Variants in RSRC1 observed in about 807,000 individuals in gnomAD.
RSRC1 encodes the protein arginine and serine rich coiled-coil 1.
RSRC1 carries 39 observed loss-of-function variants against 49.1 expected under a neutral mutation model. That is an observed-to-expected ratio of 0.79 (90% CI 0.61 to 1.04). The LOEUF (loss-of-function observed/expected upper bound fraction) is 1.04, where lower values mean the gene tolerates loss of function less well. Ranked by LOEUF, RSRC1 falls within the 50% of genes least tolerant of loss-of-function variation. The pLI, the probability that RSRC1 is intolerant of heterozygous loss-of-function variation, is 0.00. For missense variants in RSRC1, 388 were observed against 402.4 expected (o/e 0.96, Z 0.31); for synonymous variants, 143 against 130.8 (o/e 1.09, Z -0.63).
At chr3:158,136,476 T>A (rs1716384629) in intron 3 of RSRC1, among the ~76,000 whole-genome samples, 1 of 152,176 alleles carries the variant, frequency 6.6e-6, no homozygotes, top group South Asian at 2.1e-4. Flanking sequence ...CTTATTCTGT[T>A]GTATATTTGT....
intron 7 of RSRC1, among the ~76,000 whole-genome samples, chr3:158,504,359 A>G (rs550196020): frequency 1.3e-5 from 2 of 152,200 alleles, no homozygotes; most frequent in East Asian, 1.9e-4. Flanking sequence ...CTGTCTGTCC[A>G]TCCAGGTCGG....
chr3:158,133,273 T>G (rs1716153111), intron 3 of RSRC1, among the ~76,000 whole-genome samples: 1 of 152,192 alleles, frequency 6.6e-6, no homozygotes, highest in African/African-American at 2.4e-5. Flanking sequence ...TTTATTTTAT[T>G]CTTTTATTAA....
At chr3:158,431,824 A>G (rs996899346) in intron 6 of RSRC1, among the ~76,000 whole-genome samples, 5 of 151,980 alleles carry the variant, frequency 3.3e-5, no homozygotes, top group Admixed American at 3.3e-4. Context: ...TAACTTAAGT[A>G]AATTGTTTTG....
At chr3:158,176,022 G>A (rs1215171830) in intron 3 of RSRC1, among the ~76,000 whole-genome samples, 1 of 152,106 alleles carries the variant, frequency 6.6e-6, no homozygotes, top group Admixed American at 6.6e-5. Flanking sequence ...CAAACAGAGA[G>A]CCAAATCATG....
At chr3:158,284,173 G>A (rs1726361759) in intron 4 of RSRC1, among the ~76,000 whole-genome samples, 1 of 151,438 alleles carries the variant, frequency 6.6e-6, no homozygotes, top group African/African-American at 2.4e-5. Context: ...ATAGTTTACT[G>A]AGAATGATGA....
At chr3:158,308,371 A>G (rs905852260) in intron 5 of RSRC1, among the ~76,000 whole-genome samples, 2 of 151,966 alleles carry the variant, frequency 1.3e-5, no homozygotes, top group Admixed American at 1.3e-4. Flanking sequence ...ACAGATTTTC[A>G]TGCTTATTAC....
At chr3:158,259,353 T>C (rs1724758737) in intron 4 of RSRC1, among the ~76,000 whole-genome samples, 1 of 152,144 alleles carries the variant, frequency 6.6e-6, no homozygotes, top group South Asian at 2.1e-4. Flanking sequence ...ACTTTGGTGG[T>C]CTTTGGTAAG....
intron 6 of RSRC1, among the ~76,000 whole-genome samples, chr3:158,368,962 A>G (rs1267745732): frequency 6.6e-6 from 1 of 152,258 alleles, no homozygotes; most frequent in Non-Finnish European, 1.5e-5. Flanking sequence ...TAATGTAATG[A>G]AATGAAAAAT....
intron 3 of RSRC1, among the ~76,000 whole-genome samples, chr3:158,140,893 A>T (rs1419875354): frequency 6.6e-6 from 1 of 152,196 alleles, no homozygotes; most frequent in East Asian, 1.9e-4. Context: ...TTCCTGCTAG[A>T]GAGGATTTAA....
intron 4 of RSRC1, among the ~76,000 whole-genome samples, chr3:158,269,785 A>G (rs1406608919): frequency 6.6e-6 from 1 of 152,204 alleles, no homozygotes; most frequent in Non-Finnish European, 1.5e-5. Context: ...TGCTGGGATT[A>G]TAGGTGCCTG....
At chr3:158,406,020 G>A (rs892466648) in intron 6 of RSRC1, among the ~76,000 whole-genome samples, 10 of 151,698 alleles carry the variant, frequency 6.6e-5, no homozygotes, top group African/African-American at 1.9e-4. Flanking sequence ...AAATTTGTAC[G>A]GTCTCCTTTT....
chr3:158,457,816 T>C (rs1737420305), intron 6 of RSRC1, among the ~76,000 whole-genome samples: 1 of 151,818 alleles, frequency 6.6e-6, no homozygotes, highest in Admixed American at 6.6e-5. Flanking sequence ...TTACAGACTT[T>C]GGGAGGACCA....
At chr3:158,156,082 A>C (rs1269801455) in intron 3 of RSRC1, among the ~76,000 whole-genome samples, 1 of 152,192 alleles carries the variant, frequency 6.6e-6, no homozygotes, top group African/African-American at 2.4e-5. Flanking sequence ...GTCTGCATTG[A>C]AAATCTGTTG....
chr3:158,312,404 T>C (rs1728181706), intron 5 of RSRC1, among the ~76,000 whole-genome samples: 1 of 152,104 alleles, frequency 6.6e-6, no homozygotes, highest in Non-Finnish European at 1.5e-5. Flanking sequence ...TCAGGCTAGG[T>C]GATAGATATG....
At chr3:158,189,705 A>G (rs926315212) in intron 3 of RSRC1, among the ~76,000 whole-genome samples, 11 of 151,888 alleles carry the variant, frequency 7.2e-5, no homozygotes, top group Admixed American at 2.0e-4. Flanking sequence ...CAATCTTTCA[A>G]TTGTATTATT....
chr3:158,359,819 C>T (rs932833503), intron 6 of RSRC1, among the ~76,000 whole-genome samples: 4 of 152,130 alleles, frequency 2.6e-5, no homozygotes, highest in Non-Finnish European at 4.4e-5. Flanking sequence ...TCTTGTCCTG[C>T]AACCAGGAAG....
At chr3:158,389,725 A>G (rs1176208526) in intron 6 of RSRC1, among the ~76,000 whole-genome samples, 1 of 152,222 alleles carries the variant, frequency 6.6e-6, no homozygotes, top group Non-Finnish European at 1.5e-5. Context: ...TTAGGTTCCA[A>G]GCTCAAATAA....
intron 3 of RSRC1, among the ~76,000 whole-genome samples, chr3:158,200,121 T>C (rs1720948539): frequency 6.6e-6 from 1 of 152,186 alleles, no homozygotes; most frequent in African/African-American, 2.4e-5. Flanking sequence ...CACTGCAAGC[T>C]CCGTCTCCCA....
chr3:158,295,794 T>C (rs948892159), intron 4 of RSRC1, among the ~76,000 whole-genome samples: 1 of 152,128 alleles, frequency 6.6e-6, no homozygotes, highest in Admixed American at 6.6e-5. Flanking sequence ...CATTGTCTTT[T>C]TGTTTTAAAG....
Sources: allele counts gnomAD v4.1 joint callset (sites outside exome capture counted in the v4.1 genomes callset), GRCh38; gene constraint gnomAD v4.1.1; transcripts MANE v1.5; gene names NCBI Gene and HGNC (gene_info 2026-07-23, HGNC 2026-07-21).